Variants in FAM91A1 observed in about 807,000 individuals in gnomAD.
FAM91A1 encodes the protein protein FAM91A1.
In FAM91A1, 41 loss-of-function variants were observed where a neutral mutation model predicts 113.5. The observed-to-expected ratio is 0.36, with a 90% confidence interval of 0.28 to 0.47. The LOEUF is 0.47. Ranked by LOEUF, FAM91A1 falls within the 20% of genes least tolerant of loss-of-function variation. The pLI is 1.00. For synonymous variants in FAM91A1, 307 were observed against 347.9 expected (o/e 0.88, Z 1.31); for missense variants, 696 against 1,001.2 (o/e 0.70, Z 4.11).
At position 123,775,125 on chromosome 8, in the gene FAM91A1, A is replaced by T. The variant is rs1008096251; in HGVS notation, c.158-22A>T. The T allele has an allele frequency of 4.5e-6, 7 of 1,551,476 alleles. No individual in the cohort carries two copies. The Admixed American group carries it at 9.9e-5, about 22-fold the overall frequency. ...CTATAAGAAACCTGAAAAAAACTGG[A>T]GAATTTCCCTCTTTTGTGCAGTTAA... On this transcript the variant is annotated intron_variant, in intron 2 of 23. Coordinates refer to ENST00000334705, the MANE Select transcript of FAM91A1 (RefSeq NM_144963.4).
chr8:123,775,404 TC>T, intron 3 of FAM91A1, 106 bp downstream of exon 3: 8 of 1,346,806 alleles, frequency 5.9e-6, no homozygotes, highest in Non-Finnish European at 8.2e-6. Flanking sequence ...CGGTGGACAC[TC>T]TTTCAGAACT....
chr8:123,793,209 A>AT (rs1246228323), intron 15 of FAM91A1, among the ~76,000 whole-genome samples: 2 of 152,012 alleles, frequency 1.3e-5, no homozygotes, highest in Non-Finnish European at 2.9e-5. Context: ...GCATTGTCTG[A>AT]TTTTTCCACT....
At chr8:123,774,680 T>C (rs1402626523) in intron 2 of FAM91A1, among the ~76,000 whole-genome samples, 6 of 152,206 alleles carry the variant, frequency 3.9e-5, no homozygotes, top group Non-Finnish European at 7.3e-5. Context: ...GTTACTCTTA[T>C]TTTAAGCATA....
At chr8:123,782,810 A>G (rs1209795945) in intron 8 of FAM91A1, among the ~76,000 whole-genome samples, 1 of 152,108 alleles carries the variant, frequency 6.6e-6, no homozygotes, top group African/African-American at 2.4e-5. Context: ...CTTTTTGCTT[A>G]GATACAAATT....
chr8:123,775,970 A>G (rs573068797), intron 3 of FAM91A1, among the ~76,000 whole-genome samples: 2 of 152,332 alleles, frequency 1.3e-5, no homozygotes, highest in Admixed American at 1.3e-4. Flanking sequence ...CTCAAAAGAA[A>G]AAAAAGAAAA....
chr8:123,789,922 C>T (rs181842658), intron 15 of FAM91A1, among the ~76,000 whole-genome samples, 177 bp downstream of exon 15: 1 of 152,044 alleles, frequency 6.6e-6, no homozygotes, highest in African/African-American at 2.4e-5. Context: ...GTTTCTTAAC[C>T]TTATTTTACT....
In FAM91A1 at chr8:123,808,256, G is replaced by C; in HGVS notation, c.2033-16G>C. On this transcript the variant is annotated splice_polypyrimidine_tract_variant and intron_variant, in intron 20 of 23. Coordinates refer to ENST00000334705, the MANE Select transcript of FAM91A1 (RefSeq NM_144963.4). Reference sequence around the variant, plus strand: ...CTGCTAGAATCCTAATATTGTGTATGCCCTTTAATTATAAGGAGAACCTGA... The same window carrying C: ...CTGCTAGAATCCTAATATTGTGTATCCCCTTTAATTATAAGGAGAACCTGA... 1 of 1,601,222 alleles carries C rather than the reference G, an allele frequency of 6.2e-7. No individual in the cohort carries two copies. The highest frequency in any genetic ancestry group is 8.5e-7 in the Non-Finnish European group (1 of 1,171,010).
At position 123,812,555 on chromosome 8, in the gene FAM91A1, A is replaced by G. The variant is rs1463749625; in HGVS notation, c.2368A>G (p.Ser790Gly). The G allele has an allele frequency of 6.9e-6, 11 of 1,594,618 alleles. No homozygotes were observed. Among genetic ancestry groups the G allele is most frequent in the Non-Finnish European group, 9.4e-6 (11 of 1,174,002 alleles). Residue 790 changes from serine (S) to glycine (G), a missense_variant, in exon 24 of 24, where the codon AGT (serine) becomes GGT (glycine). By Grantham distance (56) the Ser-to-Gly change is moderately conservative (BLOSUM62 0). Coordinates refer to ENST00000334705, the MANE Select transcript of FAM91A1 (RefSeq NM_144963.4). ...AATATTGGATATTCACACAGAGCCCAGTTTTTCAAGTTTGCTTTCACAGTC... is the reference window on the plus strand; with the variant it reads ...AATATTGGATATTCACACAGAGCCCGGTTTTTCAAGTTTGCTTTCACAGTC... ...ASILDIHTEP[S>G]FSSLLSQSSC...
At chr8:123,805,957 A>G in intron 19 of FAM91A1, 123 bp from the exon 20 acceptor site, 1 of 925,392 alleles carries the variant, frequency 1.1e-6, no homozygotes, top group Non-Finnish European at 1.5e-6. Context: ...TCTTTTTTGG[A>G]ATCAATTATG....
At chr8:123,781,388 T>TA (rs1242860217) in intron 8 of FAM91A1, among the ~76,000 whole-genome samples, 2 of 152,180 alleles carry the variant, frequency 1.3e-5, no homozygotes, top group Non-Finnish European at 2.9e-5. Flanking sequence ...CTTGACAAGA[T>TA]ATCATGCTGT....
At chr8:123,795,346 A>G (rs944871960) in intron 15 of FAM91A1, among the ~76,000 whole-genome samples, 9 of 152,154 alleles carry the variant, frequency 5.9e-5, no homozygotes, top group African/African-American at 2.2e-4. Flanking sequence ...TTGTTGGATC[A>G]TGGGGGCAGT....
At chr8:123,777,718 T>C (rs904568249) in intron 4 of FAM91A1, among the ~76,000 whole-genome samples, 1 of 152,232 alleles carries the variant, frequency 6.6e-6, no homozygotes, top group African/African-American at 2.4e-5. Flanking sequence ...AAAGTGTATA[T>C]TTTGAATGTG....
At chr8:123,810,650 A>G (rs1332844485) in intron 23 of FAM91A1, 6 of 421,134 alleles carry the variant, frequency 1.4e-5, no homozygotes, top group South Asian at 1.2e-4. Context: ...GTTATAGCGC[A>G]CTTCCCAATA....
intron 2 of FAM91A1, among the ~76,000 whole-genome samples, chr8:123,774,937 A>G (rs1291662787): frequency 6.6e-6 from 1 of 152,150 alleles, no homozygotes; most frequent in Non-Finnish European, 1.5e-5. Context: ...ATTATTCTCT[A>G]CTAATCTGTC....
At chr8:123,770,142 G>A (rs1306902545) in intron 1 of FAM91A1, among the ~76,000 whole-genome samples, 1 of 152,060 alleles carries the variant, frequency 6.6e-6, no homozygotes, top group Admixed American at 6.6e-5. Context: ...TAGTAGAGAC[G>A]GGGTTTCATC....
chr8:123,802,224 A>C (rs1214171357), intron 18 of FAM91A1, among the ~76,000 whole-genome samples: 1 of 152,222 alleles, frequency 6.6e-6, no homozygotes, highest in African/African-American at 2.4e-5. Context: ...TAGTTTAGAT[A>C]AGAGATAAAG....
intron 16 of FAM91A1, among the ~76,000 whole-genome samples, chr8:123,798,473 A>G (rs1196347732): frequency 6.6e-6 from 1 of 152,218 alleles, no homozygotes. Context: ...TGTACAGAAT[A>G]TTTTAAAGAG....
intron 18 of FAM91A1, among the ~76,000 whole-genome samples, chr8:123,803,262 T>C (rs577193096): frequency 4.4e-4 from 67 of 151,244 alleles, no homozygotes; most frequent in African/African-American, 1.6e-3. Context: ...GGATGGGGGC[T>C]AGTGCAAAAT....
chr8:123,771,691 A>G (rs1237075991), intron 1 of FAM91A1, among the ~76,000 whole-genome samples: 1 of 152,142 alleles, frequency 6.6e-6, no homozygotes, highest in Non-Finnish European at 1.5e-5. Context: ...TCTTATGATA[A>G]GTTTCTGTAT....
Sources: gnomAD v4.1 joint callset for allele counts (sites outside exome capture counted in the v4.1 genomes callset) on GRCh38, gnomAD v4.1.1 for gene constraint, MANE v1.5 for transcripts, NCBI Gene and HGNC (gene_info 2026-07-23, HGNC 2026-07-21) for gene names.